The following ROBO1 variants were observed in gnomAD, a reference collection of about 807,000 sequenced individuals.
ROBO1 encodes roundabout homolog 1.
In ROBO1, 149 loss-of-function variants were observed where a neutral mutation model predicts 195.9. The observed-to-expected ratio is 0.76, with a 90% CI of 0.67 to 0.87. ROBO1 has a LOEUF of 0.87. Ranked by LOEUF, ROBO1 falls within the 40% of genes least tolerant of loss-of-function variation. The pLI is 0.00. For synonymous variants in ROBO1, 816 were observed against 733.2 expected, an observed-to-expected ratio of 1.11 and a Z score of -1.82; for missense variants, 1,933 against 2,068.3, an observed-to-expected ratio of 0.93 and a Z score of 1.27.
chr3:79,726,338 A>G (rs1327887505), intron 1 of ROBO1, among the ~76,000 whole-genome samples: 1 of 152,204 alleles, frequency 6.6e-6, no homozygotes, highest in East Asian at 1.9e-4. Context: ...AACCTGTAAC[A>G]GCAGAACCTT....
At chr3:79,647,624 C>G (rs1217549807) in intron 1 of ROBO1, among the ~76,000 whole-genome samples, 1 of 152,026 alleles carries the variant, frequency 6.6e-6, no homozygotes, top group African/African-American at 2.4e-5. Flanking sequence ...TCCTACTAAG[C>G]ACAGGATACA....
At chr3:79,072,734 A>T (rs2079110052) in intron 3 of ROBO1, among the ~76,000 whole-genome samples, 1 of 152,000 alleles carries the variant, frequency 6.6e-6, no homozygotes, top group African/African-American at 2.4e-5. Context: ...GTATGTAAGA[A>T]TTAATACACA....
chr3:78,629,657 CAACCAAACCA>C (rs59055817), intron 25 of ROBO1, among the ~76,000 whole-genome samples: 10 of 150,312 alleles, frequency 6.7e-5, no homozygotes, highest in African/African-American at 1.7e-4. Flanking sequence ...AAAACCAAAC[CAACCAAACCA>C]AACCAAACCA....
At chr3:79,612,207 G>A (rs2107926370) in intron 1 of ROBO1, among the ~76,000 whole-genome samples, 1 of 144,092 alleles carries the variant, frequency 6.9e-6, no homozygotes, top group East Asian at 2.2e-4. Context: ...AGTCCCCAGA[G>A]TGTGATATTC....
At chr3:79,705,420 T>TG (rs34242944) in intron 1 of ROBO1, among the ~76,000 whole-genome samples, 47,456 of 151,862 alleles carry the variant, frequency 0.31, 9,102 homozygotes, top group African/African-American at 0.55. Flanking sequence ...TAGCAACATT[T>TG]TTTAAAAGAT....
At chr3:79,499,522 T>C (rs959239188) in intron 2 of ROBO1, among the ~76,000 whole-genome samples, 6 of 152,230 alleles carry the variant, frequency 3.9e-5, no homozygotes, top group Non-Finnish European at 7.3e-5. Context: ...ATATACTGTC[T>C]ATGGATTAAA....
chr3:79,001,348 C>G (rs1335243521), intron 3 of ROBO1, among the ~76,000 whole-genome samples: 1 of 152,068 alleles, frequency 6.6e-6, no homozygotes, highest in Non-Finnish European at 1.5e-5. Context: ...ATGAGAACAG[C>G]ATGGAAATAA....
At chr3:79,722,991 T>C (rs1702768028) in intron 1 of ROBO1, among the ~76,000 whole-genome samples, 2 of 152,324 alleles carry the variant, frequency 1.3e-5, no homozygotes, top group East Asian at 3.9e-4. Context: ...TTGAAAAAGA[T>C]AGTGATTTGT....
At chr3:78,997,410 G>A (rs2077395482) in intron 3 of ROBO1, among the ~76,000 whole-genome samples, 1 of 152,104 alleles carries the variant, frequency 6.6e-6, no homozygotes, top group South Asian at 2.1e-4. Context: ...GTAGAGTGGT[G>A]ATCCATTCTA....
At chr3:78,837,000 C>A (rs1388194964) in intron 4 of ROBO1, among the ~76,000 whole-genome samples, 1 of 152,112 alleles carries the variant, frequency 6.6e-6, no homozygotes, top group Non-Finnish European at 1.5e-5. Flanking sequence ...ATCACATCTT[C>A]AGGCCTAAAC....
At chr3:79,003,738 T>A (rs1436700937) in intron 3 of ROBO1, among the ~76,000 whole-genome samples, 1 of 152,150 alleles carries the variant, frequency 6.6e-6, no homozygotes, top group East Asian at 1.9e-4. Flanking sequence ...CCTAGGTATT[T>A]TAACCCGGAA....
At chr3:79,705,081 T>G (rs1947728040) in intron 1 of ROBO1, among the ~76,000 whole-genome samples, 1 of 152,016 alleles carries the variant, frequency 6.6e-6, no homozygotes, top group African/African-American at 2.4e-5. Context: ...TTTAAGACAA[T>G]AATCCTTTTC....
chr3:78,716,051 G>A (rs1001961292), intron 7 of ROBO1, among the ~76,000 whole-genome samples: 3 of 152,074 alleles, frequency 2.0e-5, no homozygotes, highest in Non-Finnish European at 4.4e-5. Context: ...CTTTGTGTCT[G>A]TGTTGTGATA....
At chr3:78,896,205 A>T (rs2037217776) in intron 4 of ROBO1, among the ~76,000 whole-genome samples, 1 of 152,176 alleles carries the variant, frequency 6.6e-6, no homozygotes, top group South Asian at 2.1e-4. Context: ...AAAATAAGAG[A>T]ATACACTCAG....
At chr3:79,208,686 C>CGT (rs1559736208) in intron 2 of ROBO1, among the ~76,000 whole-genome samples, 28 of 79,950 alleles carry the variant, frequency 3.5e-4, no homozygotes, top group African/African-American at 1.4e-3. Context: ...GGTGGTGGGG[C>CGT]ATGTGTGTGT....
At chr3:78,766,439 G>C (rs1161061865) in intron 4 of ROBO1, among the ~76,000 whole-genome samples, 4 of 152,106 alleles carry the variant, frequency 2.6e-5, no homozygotes, top group Non-Finnish European at 1.5e-5. Context: ...GTGTATAGAA[G>C]ACCTACTGAT....
chr3:79,201,284 G>A (rs544582815), intron 2 of ROBO1, among the ~76,000 whole-genome samples: 9 of 151,954 alleles, frequency 5.9e-5, no homozygotes, highest in Non-Finnish European at 1.3e-4. Flanking sequence ...CTTTCAGATA[G>A]TCCTGGTCTT....
At chr3:79,160,021 G>T (rs1428442703) in intron 2 of ROBO1, among the ~76,000 whole-genome samples, 1 of 152,026 alleles carries the variant, frequency 6.6e-6, no homozygotes, top group Non-Finnish European at 1.5e-5. Context: ...GAAAGATAGA[G>T]ATGTCCTTCC....
At chr3:78,606,601 A>G in intron 29 of ROBO1, 132 bp downstream of exon 29, 4 of 818,220 alleles carry the variant, frequency 4.9e-6, no homozygotes, top group East Asian at 2.4e-5. Flanking sequence ...TTATTCGAGT[A>G]CATGCCTATC....
Sources: allele counts gnomAD v4.1 joint callset (sites outside exome capture counted in the v4.1 genomes callset), GRCh38; gene constraint gnomAD v4.1.1; transcripts MANE v1.5; gene names NCBI Gene and HGNC (gene_info 2026-07-23, HGNC 2026-07-21).